ROBO2: variants seen among roughly 807,000 people sequenced by gnomAD.
ROBO2 encodes the protein roundabout guidance receptor 2, also known as roundabout homolog 2.
ROBO2 carries 53 observed loss-of-function variants against 160.8 expected under a neutral mutation model. The observed-to-expected ratio is 0.33, with a 90% CI of 0.26 to 0.41. The LOEUF is 0.41. Ranked by LOEUF, ROBO2 falls within the 10% of genes least tolerant of loss-of-function variation. ROBO2 has a pLI of 1.00. For synonymous variants in ROBO2, 664 were observed against 611.7 expected (o/e 1.09, Z -1.26); for missense variants, 1,577 against 1,722.4 (o/e 0.92, Z 1.49).
intron 2 of ROBO2, among the ~76,000 whole-genome samples, chr3:76,231,923 A>G (rs1490250985): frequency 6.6e-6 from 1 of 152,224 alleles, no homozygotes; most frequent in Middle Eastern, 3.2e-3. Context: ...AAAATACTTG[A>G]TAATTTTTTA....
At chr3:77,301,019 C>T (rs1201175735) in intron 2 of ROBO2, among the ~76,000 whole-genome samples, 5 of 151,728 alleles carry the variant, frequency 3.3e-5, no homozygotes, top group Non-Finnish European at 7.4e-5. Context: ...CAGGCATACA[C>T]CACTATGTCC....
intron 5 of ROBO2, among the ~76,000 whole-genome samples, chr3:77,495,576 T>G (rs1316497422): frequency 2.6e-5 from 4 of 152,188 alleles, no homozygotes; most frequent in Admixed American, 2.6e-4. Flanking sequence ...GGTCCTTAGT[T>G]TTTCTAGTTT....
intron 2 of ROBO2, among the ~76,000 whole-genome samples, chr3:76,252,934 C>A (rs2107561462): frequency 6.6e-6 from 1 of 151,978 alleles, no homozygotes; most frequent in South Asian, 2.1e-4. Context: ...CAGAATTTTT[C>A]TTTCTTCTAC....
At chr3:77,086,254 A>T (rs979739270) in intron 1 of ROBO2, among the ~76,000 whole-genome samples, 1 of 152,052 alleles carries the variant, frequency 6.6e-6, no homozygotes, top group African/African-American at 2.4e-5. Flanking sequence ...AATAATGCTT[A>T]TACTAGTAGG....
intron 2 of ROBO2, among the ~76,000 whole-genome samples, chr3:76,735,786 A>AAAAAAGGGG (rs1553886639): frequency 7.9e-6 from 1 of 126,600 alleles, no homozygotes; most frequent in Non-Finnish European, 1.6e-5. Flanking sequence ...GAAAAAAAAA[A>AAAAAAGGGG]GGGGAAAGGG....
chr3:76,814,027 A>G (rs1394424988), intron 2 of ROBO2, among the ~76,000 whole-genome samples: 1 of 152,180 alleles, frequency 6.6e-6, no homozygotes, highest in Non-Finnish European at 1.5e-5. Context: ...CTGAGAAACA[A>G]AAATAATATT....
intron 7 of ROBO2, among the ~76,000 whole-genome samples, chr3:77,547,245 A>G (rs1377646878): frequency 1.3e-5 from 2 of 152,102 alleles, no homozygotes; most frequent in Non-Finnish European, 2.9e-5. Flanking sequence ...AAACTAGATT[A>G]AAAATTGTGT....
At chr3:76,156,706 G>A (rs979701317) in intron 2 of ROBO2, among the ~76,000 whole-genome samples, 5 of 152,320 alleles carry the variant, frequency 3.3e-5, no homozygotes, top group African/African-American at 4.8e-5. Context: ...AGTGGCTCGC[G>A]CCTGTAATCC....
At chr3:76,776,963 G>A (rs1001531429) in intron 2 of ROBO2, among the ~76,000 whole-genome samples, 7 of 150,996 alleles carry the variant, frequency 4.6e-5, no homozygotes, top group Admixed American at 2.0e-4. Flanking sequence ...GTTAACTCAC[G>A]TTCAGAGTAT....
intron 2 of ROBO2, among the ~76,000 whole-genome samples, chr3:76,828,191 C>G (rs1284624730): frequency 6.6e-6 from 1 of 152,038 alleles, no homozygotes; most frequent in Non-Finnish European, 1.5e-5. Context: ...TTGTGAAACT[C>G]TATGAGTCAC....
chr3:77,167,184 T>C (rs2079175135), intron 2 of ROBO2, among the ~76,000 whole-genome samples: 1 of 152,186 alleles, frequency 6.6e-6, no homozygotes, highest in Admixed American at 6.5e-5. Context: ...AAAATTGTGT[T>C]ATTTATTTAA....
chr3:76,256,344 T>A (rs879590355), intron 2 of ROBO2, among the ~76,000 whole-genome samples: 6,266 of 80,078 alleles, frequency 0.078, 233 homozygotes, highest in Non-Finnish European at 0.12. Flanking sequence ...TCTCTCTCTC[T>A]CTCTCTCTCA....
intron 2 of ROBO2, among the ~76,000 whole-genome samples, chr3:77,221,829 T>C (rs906364614): frequency 6.6e-6 from 1 of 151,876 alleles, no homozygotes; most frequent in African/African-American, 2.4e-5. Flanking sequence ...ATGGACTTTT[T>C]CTTTTTTCTT....
chr3:77,563,867 AAAAGATGTTTCC>A (rs1329800438), intron 11 of ROBO2, among the ~76,000 whole-genome samples: 4 of 152,168 alleles, frequency 2.6e-5, no homozygotes, highest in Non-Finnish European at 5.9e-5. Flanking sequence ...TGCTTAATGG[AAAAGATGTTTCC>A]ACGTGTTATC....
chr3:77,514,058 T>G (rs1051507260), intron 5 of ROBO2, among the ~76,000 whole-genome samples: 7 of 151,748 alleles, frequency 4.6e-5, no homozygotes, highest in African/African-American at 1.5e-4. Context: ...GTTTCTTTTT[T>G]TCTTGGTTTT....
intron 2 of ROBO2, among the ~76,000 whole-genome samples, chr3:77,238,397 A>G (rs1166000673): frequency 6.6e-6 from 1 of 152,080 alleles, no homozygotes; most frequent in East Asian, 1.9e-4. Flanking sequence ...TTTTGAGGTA[A>G]CTTTTCTGAA....
chr3:76,380,609 T>C (rs1319530632), intron 2 of ROBO2, among the ~76,000 whole-genome samples: 1 of 152,186 alleles, frequency 6.6e-6, no homozygotes. Context: ...AAATACAGTG[T>C]ATAATAGATA....
intron 2 of ROBO2, among the ~76,000 whole-genome samples, chr3:76,728,285 A>C (rs528258377): frequency 6.6e-6 from 1 of 152,320 alleles, no homozygotes; most frequent in South Asian, 2.1e-4. Context: ...GTTACACCAA[A>C]ATTAGCATTC....
intron 2 of ROBO2, among the ~76,000 whole-genome samples, chr3:76,742,510 C>T (rs1045200361): frequency 1.7e-4 from 26 of 152,168 alleles, no homozygotes; most frequent in Admixed American, 4.6e-4. Flanking sequence ...TTTCATATTC[C>T]ATTTAATTCA....
Sources: allele counts gnomAD v4.1 joint callset (sites outside exome capture counted in the v4.1 genomes callset), GRCh38; gene constraint gnomAD v4.1.1; transcripts MANE v1.5; gene names NCBI Gene and HGNC (gene_info 2026-07-23, HGNC 2026-07-21).